The following TAB2 variants were observed in gnomAD, a reference collection of about 807,000 sequenced individuals.
The protein encoded by TAB2 is TGF-beta activated kinase 1 (MAP3K7) binding protein 2.
In TAB2, 3 loss-of-function variants were observed where a neutral mutation model predicts 65.0. The ratio of observed to expected loss-of-function variants is 0.05; its 90% CI spans 0.02 to 0.12. The LOEUF (loss-of-function observed/expected upper bound fraction) is 0.12. TAB2 is among the 10% of genes least tolerant of loss of function. TAB2 has a pLI of 1.00. For missense variants in TAB2, 623 were observed against 840.3 expected (o/e 0.74, Z 3.20); for synonymous variants, 298 against 285.1 (o/e 1.05, Z -0.46).
At chr6:149,374,983 T>C (rs1392097591) in intron 2 of TAB2, among the ~76,000 whole-genome samples, 4 of 152,262 alleles carry the variant, frequency 2.6e-5, no homozygotes. Flanking sequence ...TAGATCCTGA[T>C]TTAAACTAAC....
intron 1 of TAB2, among the ~76,000 whole-genome samples, chr6:149,241,421 A>T (rs1266991441): frequency 6.6e-6 from 1 of 152,218 alleles, no homozygotes; most frequent in Admixed American, 6.5e-5. Context: ...TAATGTTTTT[A>T]AAGTGGCATT....
chr6:149,222,617 CAA>C (rs36037987), intron 1 of TAB2, among the ~76,000 whole-genome samples: 6,304 of 126,372 alleles, frequency 0.05, 438 homozygotes, highest in African/African-American at 0.16. Context: ...GACTCTGTCT[CAA>C]AAAAAAAAAA....
chr6:149,319,538 A>T (rs538706), intron 1 of TAB2, among the ~76,000 whole-genome samples: 132,636 of 152,246 alleles, frequency 0.87, 57,846 homozygotes, highest in Middle Eastern at 0.97. Flanking sequence ...CTGCTGCTTT[A>T]AAAAAACATG....
At chr6:149,355,687 A>G (rs1780632498) in intron 1 of TAB2, among the ~76,000 whole-genome samples, 2 of 150,316 alleles carry the variant, frequency 1.3e-5, no homozygotes, top group Admixed American at 6.6e-5. Flanking sequence ...AAAAAAAACT[A>G]TGTTAAACTT....
chr6:149,319,029 T>C (rs1033819059), intron 1 of TAB2, among the ~76,000 whole-genome samples: 2 of 152,230 alleles, frequency 1.3e-5, no homozygotes, highest in African/African-American at 4.8e-5. Flanking sequence ...TCTTGAACGC[T>C]AAGATCGTAT....
chr6:149,367,256 T>C (rs1453609794), intron 1 of TAB2, among the ~76,000 whole-genome samples: 2 of 152,052 alleles, frequency 1.3e-5, no homozygotes, highest in African/African-American at 2.4e-5. Flanking sequence ...TATGGCATTA[T>C]TTAGATAGAG....
chr6:149,324,853 G>C (rs1326047963), intron 1 of TAB2, among the ~76,000 whole-genome samples: 1 of 142,544 alleles, frequency 7.0e-6, no homozygotes, highest in Non-Finnish European at 1.5e-5. Flanking sequence ...TTGGAGTGCA[G>C]TGACACAATC....
chr6:149,364,466 C>T (rs151159421), intron 1 of TAB2, among the ~76,000 whole-genome samples: 31 of 152,062 alleles, frequency 2.0e-4, no homozygotes, highest in East Asian at 7.7e-4. Flanking sequence ...GGCAGCAGAC[C>T]GAGTGCAGAA....
intron 1 of TAB2, among the ~76,000 whole-genome samples, chr6:149,277,041 C>T (rs773872315): frequency 6.6e-6 from 1 of 152,168 alleles, no homozygotes; most frequent in African/African-American, 2.4e-5. Flanking sequence ...CTCTCATTCT[C>T]TCTTGATTGT....
At chr6:149,338,563 G>T (rs73779311) in intron 1 of TAB2, among the ~76,000 whole-genome samples, 6,230 of 152,198 alleles carry the variant, frequency 0.041, 444 homozygotes, top group African/African-American at 0.14. Flanking sequence ...AAGAGTTTAA[G>T]TTTAAACATA....
chr6:149,328,383 C>G (rs1779681052), intron 1 of TAB2, among the ~76,000 whole-genome samples: 1 of 152,278 alleles, frequency 6.6e-6, no homozygotes, highest in East Asian at 1.9e-4. Flanking sequence ...ACCTCCACCT[C>G]CCAGGTTCAA....
intron 1 of TAB2, among the ~76,000 whole-genome samples, chr6:149,282,239 C>A (rs928852497): frequency 6.6e-6 from 1 of 151,982 alleles, no homozygotes. Flanking sequence ...AATGTCTATG[C>A]GTCTATAACA....
At chr6:149,321,877 A>G (rs550046008) in intron 1 of TAB2, among the ~76,000 whole-genome samples, 5 of 152,290 alleles carry the variant, frequency 3.3e-5, no homozygotes, top group African/African-American at 9.6e-5. Context: ...TTTAATTTAC[A>G]TACACCCCCT....
intron 3 of TAB2, among the ~76,000 whole-genome samples, chr6:149,381,035 A>T (rs542225211): frequency 6.6e-6 from 1 of 152,256 alleles, no homozygotes; most frequent in South Asian, 2.1e-4. Context: ...TGAGCCCAGA[A>T]GTTTGAGGTT....
chr6:149,259,135 A>G (rs1483582317), intron 1 of TAB2, among the ~76,000 whole-genome samples: 1 of 152,162 alleles, frequency 6.6e-6, no homozygotes, highest in Non-Finnish European at 1.5e-5. Context: ...GGGATAATAA[A>G]CTGGTGTTGT....
chr6:149,253,617 CAAAAAAAAA>C (rs1170705031), intron 1 of TAB2, among the ~76,000 whole-genome samples: 5 of 65,276 alleles, frequency 7.7e-5, no homozygotes, highest in East Asian at 4.3e-4. Context: ...AAGACTGTCT[CAAAAAAAAA>C]AAAAAAAAAA....
At chr6:149,357,153 C>T (rs1419961593) in intron 1 of TAB2, among the ~76,000 whole-genome samples, 2 of 152,034 alleles carry the variant, frequency 1.3e-5, no homozygotes, top group Non-Finnish European at 2.9e-5. Flanking sequence ...TGCAGTGGCT[C>T]ACTCCTGTAA....
chr6:149,350,442 C>A (rs1434689033), intron 1 of TAB2, among the ~76,000 whole-genome samples: 1 of 152,014 alleles, frequency 6.6e-6, no homozygotes, highest in Admixed American at 6.6e-5. Context: ...AAAATTATTA[C>A]CGCTAATGGC....
At chr6:149,388,389 A>G (rs797020684) in intron 3 of TAB2, among the ~76,000 whole-genome samples, 9 of 152,334 alleles carry the variant, frequency 5.9e-5, no homozygotes, top group African/African-American at 2.2e-4. Context: ...CCTGGGAGAC[A>G]GAGAGCCAGA....
Sources: allele counts gnomAD v4.1 joint callset (sites outside exome capture counted in the v4.1 genomes callset), GRCh38; gene constraint gnomAD v4.1.1; transcripts MANE v1.5; gene names NCBI Gene and HGNC (gene_info 2026-07-23, HGNC 2026-07-21).